The following DLG2 variants were observed in gnomAD, a reference collection of about 807,000 sequenced individuals.
The protein encoded by DLG2 is disks large homolog 2.
DLG2 carries 45 observed loss-of-function variants against 132.5 expected under a neutral mutation model. The observed-to-expected ratio is 0.34, with a 90% CI of 0.27 to 0.44. The LOEUF (loss-of-function observed/expected upper bound fraction) is 0.44. DLG2 is among the 20% of genes least tolerant of loss of function. DLG2 has a pLI of 1.00. For missense variants in DLG2, 1,045 were observed against 1,196.9 expected, an observed-to-expected ratio of 0.87 and a Z score of 1.87; for synonymous variants, 424 against 419.6, an observed-to-expected ratio of 1.01 and a Z score of -0.13.
chr11:83,993,917 C>G (rs2093871200), intron 11 of DLG2, among the ~76,000 whole-genome samples: 1 of 151,936 alleles, frequency 6.6e-6, no homozygotes, highest in Non-Finnish European at 1.5e-5. Context: ...TGAGGATGTC[C>G]CACTGGCAGG....
chr11:83,954,574 T>C (rs2086331956), intron 14 of DLG2, among the ~76,000 whole-genome samples: 1 of 152,180 alleles, frequency 6.6e-6, no homozygotes, highest in Non-Finnish European at 1.5e-5. Flanking sequence ...CTCAGAGACA[T>C]TTGTTCATGA....
intron 7 of DLG2, among the ~76,000 whole-genome samples, chr11:84,407,722 T>G (rs2098863738): frequency 6.6e-6 from 1 of 152,196 alleles, no homozygotes; most frequent in Non-Finnish European, 1.5e-5. Context: ...AGTGTAACAC[T>G]CTGATTTCAC....
intron 6 of DLG2, among the ~76,000 whole-genome samples, chr11:85,017,257 TG>T (rs1299695845): frequency 1.3e-5 from 2 of 152,190 alleles, no homozygotes; most frequent in Non-Finnish European, 2.9e-5. Flanking sequence ...TTTGGTTTTT[TG>T]TTTTGTTTTG....
intron 19 of DLG2, among the ~76,000 whole-genome samples, chr11:83,578,098 A>G (rs1017280272): frequency 1.6e-4 from 22 of 135,620 alleles, no homozygotes; most frequent in African/African-American, 6.0e-4. Context: ...ACACTGTATC[A>G]TATAAAATAT....
intron 3 of DLG2, among the ~76,000 whole-genome samples, chr11:85,358,487 T>C (rs933966672): frequency 2.0e-5 from 3 of 152,216 alleles, no homozygotes; most frequent in South Asian, 2.1e-4. Flanking sequence ...CACTGAACCA[T>C]GCTCTAAAAA....
At chr11:83,668,432 T>C (rs1271590162) in intron 18 of DLG2, among the ~76,000 whole-genome samples, 1 of 152,210 alleles carries the variant, frequency 6.6e-6, no homozygotes, top group African/African-American at 2.4e-5. Flanking sequence ...CTGCTCATTC[T>C]ACCTGGGATA....
chr11:85,325,247 G>A (rs1479667987), intron 3 of DLG2, among the ~76,000 whole-genome samples: 3 of 152,176 alleles, frequency 2.0e-5, no homozygotes, highest in African/African-American at 4.8e-5. Flanking sequence ...CAGCTGGGAA[G>A]CTCGAACTGG....
Position 84,225,071 on chromosome 11 carries a change from G to A in DLG2, c.573+26167C>T, listed in dbSNP as rs1457990911. Among the ~76,000 whole-genome samples, 3 of 152,014 alleles carry A rather than the reference G, an allele frequency of 2.0e-5. No individual in the cohort carries two copies. In the East Asian group the frequency reaches 5.8e-4, roughly 29 times the overall value. ...ACAGTTACCATACTAAGTTTTGTTG[G>A]TCTGTTTACATATCTTTATCATCTA... On this transcript the variant is annotated intron_variant, in intron 8 of 27. Coordinates refer to ENST00000376104, the MANE Select transcript of DLG2 (RefSeq NM_001142699.3).
At chr11:85,182,599 G>A (rs1183883678) in intron 4 of DLG2, among the ~76,000 whole-genome samples, 2 of 151,500 alleles carry the variant, frequency 1.3e-5, no homozygotes, top group African/African-American at 4.8e-5. Context: ...AGAAAAGAAA[G>A]AGAAAGAGAA....
At chr11:84,639,384 G>A (rs1175612502) in intron 6 of DLG2, among the ~76,000 whole-genome samples, 1 of 103,474 alleles carries the variant, frequency 9.7e-6, no homozygotes, top group African/African-American at 3.4e-5. Flanking sequence ...GTGACCTTTT[G>A]ATTATTTTCT....
chr11:84,609,468 T>C (rs560681047), intron 6 of DLG2, among the ~76,000 whole-genome samples: 5 of 152,212 alleles, frequency 3.3e-5, no homozygotes, highest in South Asian at 2.1e-4. Flanking sequence ...TGAGAAGACA[T>C]AGTAGTTGGA....
At chr11:84,567,096 C>T (rs904854359) in intron 6 of DLG2, among the ~76,000 whole-genome samples, 3 of 151,980 alleles carry the variant, frequency 2.0e-5, no homozygotes, top group Admixed American at 6.6e-5. Flanking sequence ...AACTTCACCT[C>T]GAAAAATAAA....
At chr11:84,763,841 T>C (rs1345803082) in intron 6 of DLG2, among the ~76,000 whole-genome samples, 1 of 152,196 alleles carries the variant, frequency 6.6e-6, no homozygotes, top group Non-Finnish European at 1.5e-5. Flanking sequence ...TTGTGTGAGA[T>C]ATATACCTCT....
At chr11:83,822,315 C>T (rs2051050831) in intron 17 of DLG2, among the ~76,000 whole-genome samples, 1 of 152,236 alleles carries the variant, frequency 6.6e-6, no homozygotes, top group Non-Finnish European at 1.5e-5. Context: ...GAAATAATTT[C>T]TATTGTTTAA....
chr11:85,028,820 G>C (rs750970734), intron 6 of DLG2, among the ~76,000 whole-genome samples: 4 of 152,058 alleles, frequency 2.6e-5, no homozygotes, highest in Non-Finnish European at 4.4e-5. Flanking sequence ...TTGCACCCAG[G>C]AGGGGGAGGC....
At chr11:84,701,917 C>T (rs1040038225) in intron 6 of DLG2, among the ~76,000 whole-genome samples, 1 of 151,470 alleles carries the variant, frequency 6.6e-6, no homozygotes, top group Non-Finnish European at 1.5e-5. Flanking sequence ...CTATGTTTCC[C>T]CCTTTCTGTC....
intron 4 of DLG2, among the ~76,000 whole-genome samples, chr11:85,170,711 G>T (rs1017486703): frequency 2.0e-5 from 3 of 152,116 alleles, no homozygotes; most frequent in African/African-American, 7.2e-5. Context: ...ACAGCTGTAC[G>T]TAAAGAAAGG....
At chr11:83,699,290 T>TAA (rs1314019406) in intron 18 of DLG2, among the ~76,000 whole-genome samples, 1 of 152,114 alleles carries the variant, frequency 6.6e-6, no homozygotes, top group African/African-American at 2.4e-5. Context: ...AAAATTGAGA[T>TAA]AATAAAACTA....
rs571500303 is a variant in DLG2 at position 83,754,958 on chromosome 11, A to G, written c.1825+31732T>C. On this transcript the variant is annotated intron_variant, in intron 18 of 27. Transcript: ENST00000376104. The stretch of plus-strand genomic sequence containing the variant: ...CTTGCCTCCAGGAAAATATAATATT[A>G]TTTTAGGTAAGTACTAGAATATGTT... Among the ~76,000 whole-genome samples the G allele has an allele frequency of 1.3e-4, 19 of 151,436 alleles. No homozygotes were observed. In the East Asian group the frequency reaches 1.9e-3, roughly 15 times the overall value.
Sources: gnomAD v4.1 joint callset for allele counts (sites outside exome capture counted in the v4.1 genomes callset) on GRCh38, gnomAD v4.1.1 for gene constraint, MANE v1.5 for transcripts, NCBI Gene and HGNC (gene_info 2026-07-23, HGNC 2026-07-21) for gene names.